The following STAU2 variants were observed in gnomAD, a reference collection of about 807,000 sequenced individuals.
STAU2 encodes staufen double-stranded RNA binding protein 2.
A neutral mutation model predicts 65.9 loss-of-function variants in STAU2; 20 were observed. The ratio of observed to expected loss-of-function variants is 0.30; its 90% CI spans 0.21 to 0.44. STAU2 has a LOEUF of 0.44. Among genes scored for constraint, STAU2 ranks in the 20% least tolerant of loss-of-function variants. The pLI is 1.00. For missense variants in STAU2, 558 were observed against 683.9 expected (o/e 0.82, Z 2.05); for synonymous variants, 232 against 233.9 (o/e 0.99, Z 0.07).
At chr8:73,504,700 G>C (rs1451250310) in intron 13 of STAU2, among the ~76,000 whole-genome samples, 1 of 151,078 alleles carries the variant, frequency 6.6e-6, no homozygotes, top group Non-Finnish European at 1.5e-5. Flanking sequence ...AAGACCTAAT[G>C]ATCAGCTGAT....
chr8:73,735,266 T>A (rs927867237), intron 3 of STAU2, among the ~76,000 whole-genome samples: 2 of 152,184 alleles, frequency 1.3e-5, no homozygotes, highest in African/African-American at 2.4e-5. Context: ...CTCACTGTTA[T>A]GAGAAAGTGG....
At chr8:73,482,773 T>G (rs567600907) in intron 13 of STAU2, among the ~76,000 whole-genome samples, 1 of 152,262 alleles carries the variant, frequency 6.6e-6, no homozygotes, top group East Asian at 1.9e-4. Flanking sequence ...TTATAGTTTG[T>G]TAATTGATTG....
At chr8:73,422,856 A>G (rs1286870578) in intron 13 of STAU2, among the ~76,000 whole-genome samples, 154 bp from the exon 14 acceptor site, 2 of 152,204 alleles carry the variant, frequency 1.3e-5, no homozygotes, top group African/African-American at 4.8e-5. Flanking sequence ...AGTCTGCATG[A>G]TCAGGCAGCA....
intron 13 of STAU2, among the ~76,000 whole-genome samples, chr8:73,517,096 C>T (rs1414549911): frequency 6.6e-6 from 1 of 151,924 alleles, no homozygotes; most frequent in African/African-American, 2.4e-5. Flanking sequence ...TTAGAGGGGA[C>T]ACTAAGAATT....
At chr8:73,688,228 G>A (rs1236557687) in intron 5 of STAU2, among the ~76,000 whole-genome samples, 2 of 148,022 alleles carry the variant, frequency 1.4e-5, no homozygotes, top group Non-Finnish European at 3.0e-5. Context: ...CCAGGCTGGA[G>A]TGCAATGGCG....
chr8:73,637,463 T>TTAAAAAA (rs1563473627), intron 6 of STAU2, among the ~76,000 whole-genome samples: 2 of 56,586 alleles, frequency 3.5e-5, no homozygotes, highest in African/African-American at 1.2e-4. Context: ...AAAGTCTTTA[T>TTAAAAAA]AAAGTGCTGA....
intron 12 of STAU2, among the ~76,000 whole-genome samples, chr8:73,575,472 A>C (rs1809472222): frequency 6.6e-6 from 1 of 152,208 alleles, no homozygotes; most frequent in South Asian, 2.1e-4. Flanking sequence ...GTAATGGAGT[A>C]ATTCCATTTG....
At chr8:73,622,119 G>A (rs1427298773) in intron 6 of STAU2, among the ~76,000 whole-genome samples, 1 of 73,440 alleles carries the variant, frequency 1.4e-5, no homozygotes, top group Non-Finnish European at 2.7e-5. Flanking sequence ...ACCATGCCCA[G>A]CTAATTTTTT....
intron 6 of STAU2, among the ~76,000 whole-genome samples, chr8:73,650,144 T>C (rs1815749939): frequency 6.6e-6 from 1 of 151,802 alleles, no homozygotes. Flanking sequence ...AGAATTTCTA[T>C]TATCATTCCT....
chr8:73,570,172 A>C (rs10099191), intron 12 of STAU2, among the ~76,000 whole-genome samples: 2,458 of 152,362 alleles, frequency 0.016, 26 homozygotes, highest in Non-Finnish European at 0.025. Context: ...TGACGCATGC[A>C]CAAGCTTCAG....
At chr8:73,478,550 A>G (rs16938676) in intron 13 of STAU2, among the ~76,000 whole-genome samples, 16,553 of 151,990 alleles carry the variant, frequency 0.11, 1,216 homozygotes, top group African/African-American at 0.21. Flanking sequence ...AATGCAAACT[A>G]TTTACATAAG....
chr8:73,446,937 C>A (rs897821201), intron 13 of STAU2, among the ~76,000 whole-genome samples: 2 of 152,100 alleles, frequency 1.3e-5, no homozygotes, highest in African/African-American at 2.4e-5. Flanking sequence ...TTGTTATATT[C>A]TTTTCTGTTT....
chr8:73,497,063 C>G (rs948943459), intron 13 of STAU2, among the ~76,000 whole-genome samples: 1 of 151,706 alleles, frequency 6.6e-6, no homozygotes, highest in Non-Finnish European at 1.5e-5. Context: ...TTCATTAATT[C>G]TTATCTGGCA....
intron 13 of STAU2, among the ~76,000 whole-genome samples, chr8:73,495,359 T>A (rs1460224706): frequency 1.3e-5 from 2 of 151,524 alleles, no homozygotes; most frequent in Non-Finnish European, 3.0e-5. Flanking sequence ...TTCTGCCATT[T>A]AATTGGAATT....
chr8:73,727,381 A>AC (rs1261441077), intron 3 of STAU2, among the ~76,000 whole-genome samples: 2 of 152,102 alleles, frequency 1.3e-5, no homozygotes, highest in Non-Finnish European at 2.9e-5. Context: ...CTTCTCATTC[A>AC]CCCTTAATCC....
intron 4 of STAU2, among the ~76,000 whole-genome samples, 189 bp from the exon 5 acceptor site, chr8:73,689,002 T>C (rs1456353684): frequency 6.6e-6 from 1 of 152,220 alleles, no homozygotes; most frequent in Non-Finnish European, 1.5e-5. Context: ...CAAATTCTGT[T>C]CTATCCTATC....
chr8:73,438,861 G>C, intron 13 of STAU2: 1 of 433,850 alleles, frequency 2.3e-6, no homozygotes, highest in South Asian at 1.7e-5. Flanking sequence ...TCAGAGAGGT[G>C]GCGTTCAGAA....
In STAU2 at chr8:73,695,811, G is replaced by A. The variant is rs185073877; in HGVS notation, c.115-6998C>T. On this transcript the variant is annotated intron_variant, in intron 4 of 14. Coordinates refer to ENST00000524300, the MANE Select transcript of STAU2 (RefSeq NM_001164380.2). Reference sequence around the variant, plus strand: ...GTGGAAAGGGGAGGGAAGAGTGGGAGGGATTTTGTATTATGGATTGAGTGC... The same window carrying A: ...GTGGAAAGGGGAGGGAAGAGTGGGAAGGATTTTGTATTATGGATTGAGTGC... Among the ~76,000 whole-genome samples, 6 of 152,238 alleles carry A rather than the reference G, an allele frequency of 3.9e-5. No individual in the cohort carries two copies. In the East Asian group the frequency reaches 9.7e-4, roughly 25 times the overall value.
intron 6 of STAU2, chr8:73,669,176 C>T (rs551160796): frequency 2.8e-5 from 19 of 683,180 alleles, no homozygotes; most frequent in Non-Finnish European, 4.3e-5. Flanking sequence ...GTTAGGTCTG[C>T]GCTTCTGTGA....
Sources: allele counts gnomAD v4.1 joint callset (sites outside exome capture counted in the v4.1 genomes callset), GRCh38; gene constraint gnomAD v4.1.1; transcripts MANE v1.5; gene names NCBI Gene and HGNC (gene_info 2026-07-23, HGNC 2026-07-21).